KAT6B: variants seen among roughly 807,000 people sequenced by gnomAD.
KAT6B encodes lysine acetyltransferase 6B.
KAT6B carries 10 observed loss-of-function variants against 187.5 expected under a neutral mutation model. That is an observed-to-expected ratio of 0.05 (90% confidence interval 0.03 to 0.09). The LOEUF (loss-of-function observed/expected upper bound fraction) is 0.09, where lower values mean the gene tolerates loss of function less well. Among genes scored for constraint, KAT6B ranks in the 10% least tolerant of loss-of-function variants. The probability of loss-of-function intolerance (pLI) is 1.00; values close to 1 mark genes in which losing one functional copy is unlikely to be tolerated. For missense variants in KAT6B, 1,952 were observed against 2,558.9 expected (o/e 0.76, Z 5.12); for synonymous variants, 861 against 926.8 (o/e 0.93, Z 1.29).
intron 3 of KAT6B, among the ~76,000 whole-genome samples, chr10:74,856,457 T>C (rs966378943): frequency 6.6e-6 from 1 of 152,164 alleles, no homozygotes; most frequent in African/African-American, 2.4e-5. Flanking sequence ...TCACCTTTAA[T>C]AGAGAACAGT....
intron 3 of KAT6B, among the ~76,000 whole-genome samples, chr10:74,902,215 C>G (rs1846451372): frequency 6.6e-6 from 1 of 152,198 alleles, no homozygotes; most frequent in Non-Finnish European, 1.5e-5. Flanking sequence ...TTGGTAGTTT[C>G]AGCTCTCTTG....
chr10:74,989,404 C>T (rs1276274595), intron 13 of KAT6B, among the ~76,000 whole-genome samples: 1 of 152,138 alleles, frequency 6.6e-6, no homozygotes, highest in Non-Finnish European at 1.5e-5. Flanking sequence ...GGTGCTCATG[C>T]TCATTAGCAC....
At chr10:74,978,342 T>C (rs1204313000) in intron 9 of KAT6B, among the ~76,000 whole-genome samples, 1 of 152,144 alleles carries the variant, frequency 6.6e-6, no homozygotes, top group African/African-American at 2.4e-5. Flanking sequence ...CCAGCCCAGG[T>C]TGGAAATGGA....
intron 3 of KAT6B, among the ~76,000 whole-genome samples, chr10:74,955,137 C>T (rs898552435): frequency 1.3e-5 from 2 of 152,108 alleles, no homozygotes; most frequent in African/African-American, 4.8e-5. Flanking sequence ...TACTTTAAAT[C>T]ATTTCTAGAT....
At chr10:75,002,011 C>G (rs938160847) in intron 13 of KAT6B, among the ~76,000 whole-genome samples, 3 of 152,128 alleles carry the variant, frequency 2.0e-5, no homozygotes, top group Non-Finnish European at 4.4e-5. Flanking sequence ...GGTCTCTGGC[C>G]GTCTCTGCAC....
rs185505243 is a variant in KAT6B at position 74,895,524 on chromosome 10, C to T, written c.621+52046C>T. 8.5e-5 allele frequency among the ~76,000 whole-genome samples: 13 copies of T among 152,048 alleles called. No individual in the cohort carries two copies. In the South Asian group the frequency reaches 1.5e-3, roughly 17 times the overall value. On this transcript the variant is annotated intron_variant, in intron 3 of 17. Coordinates refer to ENST00000287239, the MANE Select transcript of KAT6B (RefSeq NM_012330.4). ...AATTAATTCCATAGTTTCACCAAAA[C>T]GCTCTTCTTCTTAATCTTATTCCTT...
chr10:74,869,643 G>A (rs902654577), intron 3 of KAT6B, among the ~76,000 whole-genome samples: 1 of 152,148 alleles, frequency 6.6e-6, no homozygotes, highest in Non-Finnish European at 1.5e-5. Flanking sequence ...CAATCTCAAC[G>A]AGGTCCCTTT....
At chr10:74,948,424 G>A (rs1037511506) in intron 3 of KAT6B, among the ~76,000 whole-genome samples, 1 of 152,236 alleles carries the variant, frequency 6.6e-6, no homozygotes, top group Admixed American at 6.5e-5. Flanking sequence ...TTGAGAAAGT[G>A]ACTAGTGTCT....
intron 3 of KAT6B, among the ~76,000 whole-genome samples, chr10:74,921,939 C>T (rs1848168080): frequency 6.6e-6 from 1 of 152,224 alleles, no homozygotes; most frequent in African/African-American, 2.4e-5. Context: ...CTGACTCCCC[C>T]TTGCCAGCTG....
intron 3 of KAT6B, among the ~76,000 whole-genome samples, chr10:74,951,708 C>T (rs1017720362): frequency 6.6e-6 from 1 of 152,136 alleles, no homozygotes; most frequent in Non-Finnish European, 1.5e-5. Context: ...ACATAAATGT[C>T]GTTTATTATG....
intron 3 of KAT6B, among the ~76,000 whole-genome samples, chr10:74,944,382 G>A (rs951065727): frequency 7.2e-5 from 11 of 152,126 alleles, no homozygotes; most frequent in African/African-American, 2.7e-4. Context: ...GAGACAATAG[G>A]TTTTTCACTG....
chr10:75,030,589 A>G lies in KAT6B; in HGVS notation c.5765A>G (p.His1922Arg). The G allele has an allele frequency of 6.2e-7, 1 of 1,611,124 alleles. No homozygotes were observed. Among genetic ancestry groups the G allele is most frequent in the Non-Finnish European group, 8.5e-7 (1 of 1,177,410 alleles). ...RLQTQIASKG[H>R]ISMRTKSASL... ...CAAACCCAGATTGCCAGCAAGGGCCACATCTCCATGAGAACCAAGTCAGCG... is the reference window on the plus strand; with the variant it reads ...CAAACCCAGATTGCCAGCAAGGGCCGCATCTCCATGAGAACCAAGTCAGCG... The change falls in exon 18 of 18, where the codon CAC (histidine) becomes CGC (arginine). Residue 1922 changes from histidine (H) to arginine (R), a missense_variant. His to Arg is a conservative substitution (Grantham distance 29). This residue lies in a region of KAT6B where 358 missense variants were observed against 436.3 expected (regional missense o/e 0.82). Transcript: ENST00000287239. The surrounding 1 kb of genome is among the most constrained non-coding windows in gnomAD (Gnocchi z 4.8).
At chr10:74,831,453 A>G (rs567331235) in intron 1 of KAT6B, among the ~76,000 whole-genome samples, 9 of 152,314 alleles carry the variant, frequency 5.9e-5, no homozygotes, top group Middle Eastern at 3.4e-3. Flanking sequence ...TTGACCTTAA[A>G]CAATGTATAA....
intron 3 of KAT6B, among the ~76,000 whole-genome samples, chr10:74,943,500 A>T (rs1044617471): frequency 6.6e-6 from 1 of 152,200 alleles, no homozygotes; most frequent in Non-Finnish European, 1.5e-5. Flanking sequence ...GAAATAGTTT[A>T]AAAATTTTTT....
chr10:74,961,197 T>C (rs111283811), intron 4 of KAT6B, among the ~76,000 whole-genome samples: 6 of 152,298 alleles, frequency 3.9e-5, no homozygotes, highest in African/African-American at 9.6e-5. Flanking sequence ...ATGGAAACAT[T>C]ATCTGTACGT....
intron 16 of KAT6B, 43 bp from the exon 17 acceptor site, chr10:75,024,915 T>C: frequency 1.3e-6 from 2 of 1,588,060 alleles, no homozygotes; most frequent in East Asian, 2.2e-5. Flanking sequence ...AACCATTTAA[T>C]TTCTCATGAG....
intron 3 of KAT6B, among the ~76,000 whole-genome samples, chr10:74,905,590 C>CA (rs1846698212): frequency 6.6e-6 from 1 of 152,138 alleles, no homozygotes; most frequent in Non-Finnish European, 1.5e-5. Flanking sequence ...CCATTTAACT[C>CA]AGTCTGCCAG....
chr10:74,973,908 T>C (rs1842000387), intron 7 of KAT6B, among the ~76,000 whole-genome samples: 1 of 152,316 alleles, frequency 6.6e-6, no homozygotes, highest in South Asian at 2.1e-4. Context: ...ATATAAACTT[T>C]CTAAACAGAG....
chr10:74,906,119 G>T (rs1466589972), intron 3 of KAT6B, among the ~76,000 whole-genome samples: 1 of 152,162 alleles, frequency 6.6e-6, no homozygotes, highest in Non-Finnish European at 1.5e-5. Context: ...CATAGGATTG[G>T]CTGGGCACAG....
Sources: gnomAD v4.1 joint callset for allele counts (sites outside exome capture counted in the v4.1 genomes callset) on GRCh38, gnomAD v4.1.1 for gene constraint, gnomAD v4.1.1 regional missense constraint, Gnocchi (gnomAD v3.1) non-coding constraint, MANE v1.5 for transcripts, NCBI Gene and HGNC (gene_info 2026-07-23, HGNC 2026-07-21) for gene names.